CAMK1D: variants seen among roughly 807,000 people sequenced by gnomAD.
CAMK1D encodes calcium/calmodulin-dependent protein kinase type 1D.
CAMK1D carries 9 observed loss-of-function variants against 47.7 expected under a neutral mutation model. The observed-to-expected ratio is 0.19, with a 90% CI of 0.11 to 0.33. The LOEUF (loss-of-function observed/expected upper bound fraction) is 0.33, where lower values mean the gene tolerates loss of function less well. Ranked by LOEUF, CAMK1D falls within the 10% of genes least tolerant of loss-of-function variation. The probability of loss-of-function intolerance (pLI) is 1.00; values close to 1 mark genes in which losing one functional copy is unlikely to be tolerated. For synonymous variants in CAMK1D, 184 were observed against 184.9 expected, an observed-to-expected ratio of 0.99 and a Z score of 0.04; for missense variants, 291 against 488.7, an observed-to-expected ratio of 0.60 and a Z score of 3.81.
chr10:12,592,643 T>C (rs1434269575), intron 2 of CAMK1D, among the ~76,000 whole-genome samples: 1 of 152,162 alleles, frequency 6.6e-6, no homozygotes, highest in Non-Finnish European at 1.5e-5. Context: ...TTTCCAAACA[T>C]ACTGAAATCA....
intron 1 of CAMK1D, among the ~76,000 whole-genome samples, chr10:12,417,591 T>A (rs1222084030): frequency 2.0e-5 from 3 of 151,982 alleles, no homozygotes; most frequent in Non-Finnish European, 4.4e-5. Flanking sequence ...GGAACTGGGG[T>A]TCAGCCACAG....
intron 1 of CAMK1D, among the ~76,000 whole-genome samples, chr10:12,534,200 ATCTG>A (rs910422849): frequency 7.2e-5 from 11 of 152,156 alleles, no homozygotes; most frequent in African/African-American, 2.2e-4. Flanking sequence ...CTATCTATCT[ATCTG>A]TCTATCAGTC....
intron 2 of CAMK1D, among the ~76,000 whole-genome samples, chr10:12,590,299 C>T (rs1837959292): frequency 2.0e-5 from 3 of 152,124 alleles, no homozygotes; most frequent in Admixed American, 1.3e-4. Flanking sequence ...CCCACTGCAG[C>T]CTCGACCTCC....
At chr10:12,801,358 C>CTATCTATCT (rs1564572239) in intron 6 of CAMK1D, among the ~76,000 whole-genome samples, 155 of 115,242 alleles carry the variant, frequency 1.3e-3, no homozygotes, top group Non-Finnish European at 1.9e-3. Context: ...TCTATCTTAT[C>CTATCTATCT]TATCTATCTA....
intron 1 of CAMK1D, among the ~76,000 whole-genome samples, chr10:12,541,612 GC>G (rs986803677): frequency 6.6e-6 from 1 of 152,006 alleles, no homozygotes. Context: ...ACCCGCCTTG[GC>G]CCCCCAAAAG....
chr10:12,523,302 G>A (rs1835500897), intron 1 of CAMK1D, among the ~76,000 whole-genome samples: 1 of 150,962 alleles, frequency 6.6e-6, no homozygotes, highest in South Asian at 2.1e-4. Flanking sequence ...CTCAGACGAT[G>A]GGCGGCCAGG....
At chr10:12,525,578 T>G (rs1377509318) in intron 1 of CAMK1D, among the ~76,000 whole-genome samples, 3 of 152,114 alleles carry the variant, frequency 2.0e-5, no homozygotes, top group Admixed American at 6.6e-5. Context: ...TTTTCCAAAA[T>G]TTTTACTTCT....
rs905781090 is a variant in CAMK1D at position 12,620,202 on chromosome 10, A to T, written c.225-46534A>T. ...ACTCCGTCTCAAAAAAAAAAAAAAA[A>T]AAAAAAAAAAAAAAAATAAAGCTGC... On this transcript the variant is annotated intron_variant, in intron 2 of 10. Transcript: ENST00000619168. Among the ~76,000 whole-genome samples, 220 of 146,230 alleles carry T rather than the reference A, an allele frequency of 1.5e-3. 2 individuals are homozygous for T. Among genetic ancestry groups the T allele is most frequent in the African/African-American group, 5.0e-3 (204 of 40,548 alleles).
In CAMK1D at chr10:12,523,596, C is replaced by A. The variant is rs148897344; in HGVS notation, c.93-29629C>A. Among the ~76,000 whole-genome samples, 1,098 of 152,288 alleles carry A rather than the reference C, an allele frequency of 7.2e-3. 24 individuals carry two copies. The highest frequency in any genetic ancestry group is 0.043 in the East Asian group (221 of 5,172). ...CGTCTCCACCAAAAAAATACGAAAA[C>A]CAGTCAGGCGTGGCGGATCACGCCT... On this transcript the variant is annotated intron_variant, in intron 1 of 10. Coordinates refer to ENST00000619168, the MANE Select transcript of CAMK1D (RefSeq NM_153498.4).
chr10:12,469,896 G>A (rs758363034), intron 1 of CAMK1D, among the ~76,000 whole-genome samples: 11 of 151,952 alleles, frequency 7.2e-5, no homozygotes, highest in Non-Finnish European at 1.6e-4. Context: ...CTTTTTTGGT[G>A]TGTTAGGGTA....
chr10:12,541,746 G>T (rs963616509), intron 1 of CAMK1D, among the ~76,000 whole-genome samples: 1 of 152,136 alleles, frequency 6.6e-6, no homozygotes, highest in African/African-American at 2.4e-5. Flanking sequence ...TTGAAGAATT[G>T]ATTCTGATCT....
At chr10:12,747,398 T>C (rs979480252) in intron 3 of CAMK1D, among the ~76,000 whole-genome samples, 1 of 152,130 alleles carries the variant, frequency 6.6e-6, no homozygotes, top group Non-Finnish European at 1.5e-5. Context: ...CTTGAACTCC[T>C]GGGTGTAAAC....
chr10:12,815,843 G>C (rs1348407226), intron 7 of CAMK1D, among the ~76,000 whole-genome samples: 4 of 152,242 alleles, frequency 2.6e-5, no homozygotes, highest in Admixed American at 2.6e-4. Flanking sequence ...GGCTGAGCAG[G>C]TGCTCAGTAG....
intron 3 of CAMK1D, among the ~76,000 whole-genome samples, chr10:12,711,053 C>A (rs1168043702): frequency 6.6e-6 from 1 of 152,176 alleles, no homozygotes; most frequent in Non-Finnish European, 1.5e-5. Flanking sequence ...ATAGAGCTCC[C>A]AGTCATGAAA....
intron 3 of CAMK1D, among the ~76,000 whole-genome samples, chr10:12,681,165 C>T (rs1484686595): frequency 2.0e-5 from 3 of 152,220 alleles, no homozygotes; most frequent in South Asian, 2.1e-4. Context: ...CCCACGGCCA[C>T]GCTCTAGAGT....
intron 1 of CAMK1D, among the ~76,000 whole-genome samples, chr10:12,433,339 C>G (rs766101757): frequency 6.6e-6 from 1 of 152,160 alleles, no homozygotes; most frequent in African/African-American, 2.4e-5. Context: ...TGCCTGATAT[C>G]TTTCCCTCTG....
chr10:12,445,823 G>A (rs572740078), intron 1 of CAMK1D, among the ~76,000 whole-genome samples: 1 of 152,304 alleles, frequency 6.6e-6, no homozygotes, highest in East Asian at 1.9e-4. Context: ...TTTGCTGGCT[G>A]AAGTTAACTA....
rs187718671 is a variant in CAMK1D at position 12,828,942 on chromosome 10, C to A, written c.*55C>A. 3,960 of 1,322,782 alleles carry A rather than the reference C, an allele frequency of 3.0e-3. 82 individuals are homozygous for A. The African/African-American group carries it at 0.049, about 16-fold the overall frequency. The allele number at this position is 1,322,782 out of a possible 1,614,324, so 81.9% of individuals were successfully genotyped here. A position where few individuals can be genotyped will look rare whatever the true frequency, so the allele number is the denominator to read the frequency against. The stretch of plus-strand genomic sequence containing the variant: ...GGCTGGGGAAGGGGAGCCCCAGGGT[C>A]GCCAGAGCCGCGAGCCACTCCAGCG... On this transcript the variant is annotated 3_prime_UTR_variant, in exon 11 of 11. Coordinates refer to ENST00000619168, the MANE Select transcript of CAMK1D (RefSeq NM_153498.4).
At chr10:12,712,752 T>G (rs962791681) in intron 3 of CAMK1D, among the ~76,000 whole-genome samples, 3 of 152,112 alleles carry the variant, frequency 2.0e-5, no homozygotes, top group South Asian at 2.1e-4. Context: ...GAGACTAACA[T>G]TCAGTCCATA....
Sources: allele counts gnomAD v4.1 joint callset (sites outside exome capture counted in the v4.1 genomes callset), GRCh38; gene constraint gnomAD v4.1.1; transcripts MANE v1.5; gene names NCBI Gene and HGNC (gene_info 2026-07-23, HGNC 2026-07-21).